DYNC2I1: variants seen among roughly 807,000 people sequenced by gnomAD.
DYNC2I1 encodes the protein cytoplasmic dynein 2 intermediate chain 1.
DYNC2I1 carries 89 observed loss-of-function variants against 133.4 expected under a neutral mutation model. The observed-to-expected ratio is 0.67, with a 90% CI of 0.56 to 0.80. The LOEUF is 0.80. Among genes scored for constraint, DYNC2I1 ranks in the 30% least tolerant of loss-of-function variants. DYNC2I1 has a pLI of 0.00. For synonymous variants in DYNC2I1, 504 were observed against 484.3 expected, an observed-to-expected ratio of 1.04 and a Z score of -0.54; for missense variants, 1,291 against 1,314.5, an observed-to-expected ratio of 0.98 and a Z score of 0.28.
At chr7:158,876,280 ACCCAGGGGGAAATTCAC>A (rs930671636) in intron 3 of DYNC2I1, among the ~76,000 whole-genome samples, 7 of 152,036 alleles carry the variant, frequency 4.6e-5, no homozygotes, top group Non-Finnish European at 1.0e-4. Flanking sequence ...CAAGAACAGC[ACCCAGGGGGAAATTCAC>A]CCCCATGATC....
At chr7:158,887,544 A>T (rs989245502) in intron 7 of DYNC2I1, among the ~76,000 whole-genome samples, 3 of 152,248 alleles carry the variant, frequency 2.0e-5, no homozygotes, top group Admixed American at 2.0e-4. Flanking sequence ...CACTTTCAGT[A>T]ACAGGTAGGA....
rs1321063743 is a variant in DYNC2I1 at position 158,856,758 on chromosome 7, C to T, written c.15+8C>T. The T allele has an allele frequency of 1.2e-5, 15 of 1,234,494 alleles. No homozygotes were observed. Among genetic ancestry groups the T allele is most frequent in the Admixed American group, 4.2e-5 (1 of 23,664 alleles). The allele number at this position is 1,234,494 out of a possible 1,614,324, so 76.5% of individuals were successfully genotyped here. A position where few individuals can be genotyped will look rare whatever the true frequency, so the allele number is the denominator to read the frequency against. ...GCGATGGAGCCCGGGAAGGTCGGTG[C>T]GGCGCTGGGTCTGGGCGAGGGGTGG... On this transcript the variant is annotated splice_region_variant and intron_variant, in intron 1 of 24. Coordinates refer to ENST00000407559, the MANE Select transcript of DYNC2I1 (RefSeq NM_018051.5).
chr7:158,856,587 G>A lies in DYNC2I1; in HGVS notation c.-149G>A, dbSNP rs889967130. 2.5e-6 allele frequency: 2 copies of A among 794,586 alleles called. No homozygotes were observed. The highest frequency in any genetic ancestry group is 3.4e-6 in the Non-Finnish European group (2 of 590,244). The allele number at this position is 794,586 out of a possible 1,614,324, so 49.2% of individuals were successfully genotyped here. On this transcript the variant is annotated 5_prime_UTR_variant, in exon 1 of 25. Coordinates refer to ENST00000407559, the MANE Select transcript of DYNC2I1 (RefSeq NM_018051.5). ...GAGGCCGCAGGGCACGCTGGGCAGT[G>A]CTTCTGGGCCCTCTGCTGCTCCTGC...
intron 5 of DYNC2I1, among the ~76,000 whole-genome samples, chr7:158,880,845 C>G (rs979445865): frequency 6.6e-6 from 1 of 152,086 alleles, no homozygotes; most frequent in Admixed American, 6.6e-5. Flanking sequence ...GAATCCGAAG[C>G]TAATATGATC....
intron 11 of DYNC2I1, among the ~76,000 whole-genome samples, chr7:158,911,152 G>A (rs765679833): frequency 5.3e-5 from 8 of 152,216 alleles, no homozygotes; most frequent in Admixed American, 3.9e-4. Context: ...TGGCTGCGTG[G>A]TCCGACCATG....
downstream of DYNC2I1, among the ~76,000 whole-genome samples, chr7:158,949,163 A>T (rs1200844212): frequency 6.6e-6 from 1 of 152,162 alleles, no homozygotes; most frequent in East Asian, 1.9e-4. Flanking sequence ...CCTCTTGGAG[A>T]CTCAACACCA....
At chr7:158,849,529 C>T in the DYNC2I1 span, among the ~76,000 whole-genome samples, 5 of 152,168 alleles carry the variant, frequency 3.3e-5, no homozygotes, top group Non-Finnish European at 5.9e-5. Context: ...CTAACATGAG[C>T]GTTATTGAGT....
chr7:158,849,008 C>T, the DYNC2I1 span, among the ~76,000 whole-genome samples: 1 of 151,914 alleles, frequency 6.6e-6, no homozygotes, highest in Non-Finnish European at 1.5e-5. Flanking sequence ...CTGTATTTGC[C>T]CCAGATTGGA....
chr7:158,944,112 T>C (rs944986689), intron 24 of DYNC2I1, among the ~76,000 whole-genome samples: 1 of 152,096 alleles, frequency 6.6e-6, no homozygotes, highest in African/African-American at 2.4e-5. Context: ...ATTTAACACT[T>C]TTAGAGTTAC....
the DYNC2I1 span, among the ~76,000 whole-genome samples, chr7:158,841,212 TATATATA>T: frequency 2.5e-5 from 2 of 80,224 alleles, no homozygotes; most frequent in African/African-American, 5.6e-5. Context: ...TATATATATA[TATATATA>T]TATTTTAGAC....
chr7:158,918,638 C>A, intron 14 of DYNC2I1, 102 bp from the exon 15 acceptor site: 1 of 1,327,590 alleles, frequency 7.5e-7, no homozygotes. Flanking sequence ...TGGATCTAAG[C>A]AGTTATTTGC....
At chr7:158,873,842 C>T (rs770644168) in intron 3 of DYNC2I1, among the ~76,000 whole-genome samples, 46 of 152,160 alleles carry the variant, frequency 3.0e-4, no homozygotes, top group Non-Finnish European at 1.5e-4. Context: ...CTGCAGCCTC[C>T]GCCTCCCTGG....
chr7:158,864,023 C>G (rs1384634089), intron 1 of DYNC2I1, among the ~76,000 whole-genome samples: 1 of 122,836 alleles, frequency 8.1e-6, no homozygotes, highest in Non-Finnish European at 1.6e-5. Flanking sequence ...GCGGGACGTC[C>G]TTAGCTCTGG....
intron 23 of DYNC2I1, among the ~76,000 whole-genome samples, chr7:158,936,600 C>A (rs1236533767): frequency 1.3e-5 from 2 of 152,254 alleles, no homozygotes; most frequent in East Asian, 3.8e-4. Context: ...AGAAATACCC[C>A]TGAGGACACC....
chr7:158,940,415 C>T (rs1337031082), intron 23 of DYNC2I1, among the ~76,000 whole-genome samples: 1 of 152,124 alleles, frequency 6.6e-6, no homozygotes, highest in African/African-American at 2.4e-5. Context: ...TGCTGTGTGG[C>T]CCAGTTCGTA....
intron 9 of DYNC2I1, 25 bp downstream of exon 9, chr7:158,901,841 C>T (rs1165343341): frequency 6.8e-7 from 1 of 1,474,256 alleles, no homozygotes; most frequent in East Asian, 2.5e-5. Context: ...TAAAACTTTC[C>T]TTAGCTTAAA....
intron 3 of DYNC2I1, among the ~76,000 whole-genome samples, chr7:158,873,599 A>C (rs1172226311): frequency 1.3e-5 from 2 of 152,208 alleles, no homozygotes; most frequent in Admixed American, 6.5e-5. Flanking sequence ...TGTTTTCTTT[A>C]AAAATATATT....
chr7:158,902,835 C>G, intron 10 of DYNC2I1: 1 of 503,082 alleles, frequency 2.0e-6, no homozygotes, highest in East Asian at 3.3e-5. Flanking sequence ...TGCTCAGCAC[C>G]CAGGCCTTAG....
At chr7:158,935,102 G>A (rs1850616175) in intron 23 of DYNC2I1, among the ~76,000 whole-genome samples, 1 of 152,266 alleles carries the variant, frequency 6.6e-6, no homozygotes, top group African/African-American at 2.4e-5. Flanking sequence ...TTCTTAGTGT[G>A]AGGATTTTTG....
Sources: gnomAD v4.1 joint callset for allele counts (sites outside exome capture counted in the v4.1 genomes callset) on GRCh38, gnomAD v4.1.1 for gene constraint, MANE v1.5 for transcripts, NCBI Gene and HGNC (gene_info 2026-07-23, HGNC 2026-07-21) for gene names.